Variants in HIPK2 observed in about 807,000 individuals in gnomAD.
The protein encoded by HIPK2 is homeodomain-interacting protein kinase 2.
HIPK2 carries 27 observed loss-of-function variants against 113.7 expected under a neutral mutation model. That is an observed-to-expected ratio of 0.24 (90% CI 0.17 to 0.33). The LOEUF (loss-of-function observed/expected upper bound fraction) is 0.33, where lower values mean the gene tolerates loss of function less well. Ranked by LOEUF, HIPK2 falls within the 10% of genes least tolerant of loss-of-function variation. HIPK2 has a pLI of 1.00. For synonymous variants in HIPK2, 631 were observed against 642.2 expected (o/e 0.98, Z 0.26); for missense variants, 1,257 against 1,588.0 (o/e 0.79, Z 3.54).
intron 10 of HIPK2, 83 bp downstream of exon 10, chr7:139,603,998 C>T: frequency 6.3e-7 from 1 of 1,575,114 alleles, no homozygotes; most frequent in Non-Finnish European, 8.7e-7. Flanking sequence ...GAAGTACAGG[C>T]CAGCCTGGCA....
At chr7:139,764,401 T>C (rs1585465146) in intron 1 of HIPK2, among the ~76,000 whole-genome samples, 1 of 152,174 alleles carries the variant, frequency 6.6e-6, no homozygotes, top group Non-Finnish European at 1.5e-5. Context: ...TGGCTACACC[T>C]GGGAGGCAAA....
chr7:139,561,778 C>CAGTT lies in HIPK2; in HGVS notation c.*11145_*11148dup, dbSNP rs1033304280. 3 of 149,080 alleles carry CAGTT rather than the reference C, an allele frequency of 2.0e-5. No individual in the cohort carries two copies. Among genetic ancestry groups the CAGTT allele is most frequent in the Non-Finnish European group, 3.0e-5 (2 of 67,426 alleles). 9.2% of individuals were successfully genotyped at this position (149,080 alleles called of 1,614,324 possible). On this transcript the variant is annotated 3_prime_UTR_variant, in exon 15 of 15. Coordinates refer to ENST00000406875, the MANE Select transcript of HIPK2 (RefSeq NM_022740.5). ...ACCCCCCCCCCTTTTTCTCACCCTA[C>CAGTT]AGTTAGTAATATTACAATTAAAATA...
In HIPK2 at chr7:139,769,376, T is replaced by C. The variant is rs1796612251; in HGVS notation, c.19+8229A>G. Among the ~76,000 whole-genome samples, 7 of 144,042 alleles carry C rather than the reference T, an allele frequency of 4.9e-5. No homozygotes were observed. In the South Asian group the frequency reaches 1.5e-3, roughly 31 times the overall value. 94.5% of individuals were successfully genotyped at this position (144,042 alleles called of 152,430 possible). A position where few individuals can be genotyped will look rare whatever the true frequency, so the allele number is the denominator to read the frequency against. ...ACCCCTGGCTGTCTGGTTCCTTCTA[T>C]TATACCCAGGCCAGTAAAAATTACC... On this transcript the variant is annotated intron_variant, in intron 1 of 14. Coordinates refer to ENST00000406875, the MANE Select transcript of HIPK2 (RefSeq NM_022740.5).
intron 12 of HIPK2, among the ~76,000 whole-genome samples, chr7:139,595,440 C>T (rs1799171037): frequency 6.6e-6 from 1 of 152,172 alleles, no homozygotes; most frequent in African/African-American, 2.4e-5. Context: ...CTGGACTAGG[C>T]AGATGGGGAG....
intron 10 of HIPK2, among the ~76,000 whole-genome samples, chr7:139,602,563 G>A (rs1419421813): frequency 6.6e-6 from 1 of 151,134 alleles, no homozygotes; most frequent in African/African-American, 2.4e-5. Context: ...AATGCTGAAA[G>A]ACAAAAGGGA....
At position 139,595,518 on chromosome 7, in the gene HIPK2, G is replaced by T. The variant is rs574215776; in HGVS notation, c.2717+1199C>A. Among the ~76,000 whole-genome samples, 3 of 152,284 alleles carry T rather than the reference G, an allele frequency of 2.0e-5. No homozygotes were observed. The East Asian group carries it at 5.8e-4, about 29-fold the overall frequency. ...TGGACCTTTGACCTGGGTCCCCTCT[G>T]ACACCTGGCACAATGCTACGGCCAC... is the stretch of plus-strand genomic sequence containing the variant. On this transcript the variant is annotated intron_variant, in intron 12 of 14. Coordinates refer to ENST00000406875, the MANE Select transcript of HIPK2 (RefSeq NM_022740.5).
rs188752635 is a variant in HIPK2 at position 139,716,902 on chromosome 7, C to T, written c.133G>A (p.Gly45Ser). 52 of 1,613,826 alleles carry T rather than the reference C, an allele frequency of 3.2e-5. No homozygotes were observed. The highest frequency in any genetic ancestry group is 1.3e-4 in the Admixed American group (8 of 60,000). Residue 45 changes from glycine to serine, a missense_variant, in exon 2 of 15, where the codon GGC (glycine) becomes AGC (serine). This residue lies in a region of HIPK2 where 209 missense variants were observed against 237.8 expected (regional missense o/e 0.88). Coordinates refer to ENST00000406875, the MANE Select transcript of HIPK2 (RefSeq NM_022740.5). This position sits in a 1 kb window ranked among gnomAD's most constrained non-coding sequence, Gnocchi z 9.3. ...PSSNWDMTGY[G>S]SHSKVYSQSK... is the part of the protein sequence containing the mutation. ...TGGCTATACACTTTGCTGTGGGAGCCGTACCCAGTCATGTCCCAGTTGGAA... is the reference window on the plus strand; with the variant it reads ...TGGCTATACACTTTGCTGTGGGAGCTGTACCCAGTCATGTCCCAGTTGGAA...
intron 8 of HIPK2, 59 bp downstream of exon 8, chr7:139,614,227 G>A (rs867054883): frequency 3.6e-5 from 48 of 1,315,238 alleles, no homozygotes; most frequent in Non-Finnish European, 3.9e-5. Flanking sequence ...TGCAGGTGCC[G>A]GAGCCCCAGA....
At position 139,595,371 on chromosome 7, in the gene HIPK2, G is replaced by A. The variant is rs557461790; in HGVS notation, c.2717+1346C>T. Among the ~76,000 whole-genome samples the A allele has an allele frequency of 5.9e-5, 9 of 152,204 alleles. No individual in the cohort carries two copies. In the South Asian group the frequency reaches 1.0e-3, roughly 18 times the overall value. On this transcript the variant is annotated intron_variant, in intron 12 of 14. Transcript: ENST00000406875. ...CTGGGTGGTGGTGTGGGGGCACTGC[G>A]GAGAATGGACCATTCACTCAACTTG...
chr7:139,630,476 C>T lies in HIPK2; in HGVS notation c.1347+689G>A, dbSNP rs189399943. On this transcript the variant is annotated intron_variant, in intron 4 of 14. Coordinates refer to ENST00000406875, the MANE Select transcript of HIPK2 (RefSeq NM_022740.5). The surrounding 1 kb of genome is among the most constrained non-coding windows in gnomAD (Gnocchi z 4.0). ...GCAGTGGCACAATCTCAGCTCACTGCAACCTCCGCCTCCCAGGTGCAAGTG... is the reference window on the plus strand; with the variant it reads ...GCAGTGGCACAATCTCAGCTCACTGTAACCTCCGCCTCCCAGGTGCAAGTG... 6.6e-6 allele frequency among the ~76,000 whole-genome samples: 1 copy of T among 152,352 alleles called. No homozygotes were observed. Among genetic ancestry groups the T allele is most frequent in the East Asian group, 1.9e-4 (1 of 5,184 alleles).
intron 2 of HIPK2, among the ~76,000 whole-genome samples, chr7:139,646,327 C>A (rs1328033514): frequency 6.6e-6 from 1 of 151,798 alleles, no homozygotes; most frequent in Non-Finnish European, 1.5e-5. Flanking sequence ...AAGACTCCGT[C>A]CCTACAAAAA....
chr7:139,743,688 ACTGGGGCTC>A (rs11277993), intron 1 of HIPK2, among the ~76,000 whole-genome samples: 17,341 of 152,154 alleles, frequency 0.11, 1,167 homozygotes, highest in Non-Finnish European at 0.16. Flanking sequence ...CAAGTTCCAG[ACTGGGGCTC>A]CAGGATCAAA....
chr7:139,618,721 G>C (rs575543217), intron 7 of HIPK2, among the ~76,000 whole-genome samples: 1 of 152,316 alleles, frequency 6.6e-6, no homozygotes, highest in South Asian at 2.1e-4. Flanking sequence ...ACATCCATGG[G>C]AAGGACAGCC....
At chr7:139,614,220 A>C (rs1799938895) in intron 8 of HIPK2, 66 bp downstream of exon 8, 1 of 1,277,202 alleles carries the variant, frequency 7.8e-7, no homozygotes, top group African/African-American at 1.5e-5. Context: ...AGAAAACTGC[A>C]GGTGCCGGAG....
rs762140683 is a variant in HIPK2 at position 139,575,189 on chromosome 7, G to T, written c.3065C>A (p.Thr1022Asn). ...HSSGSSSGAI[T>N]YRQQRPGPHF... Reference sequence around the variant, plus strand: ...GGGGCCCGGCCGCTGCTGCCGGTAGGTGATGGCTCCAGATGAGCTCCCTGA... The same window carrying T: ...GGGGCCCGGCCGCTGCTGCCGGTAGTTGATGGCTCCAGATGAGCTCCCTGA... The change falls in exon 14 of 15, where the codon ACC becomes AAC. Residue 1022 changes from threonine to asparagine, a missense_variant. Thr to Asn is a moderately conservative substitution (Grantham distance 65, BLOSUM62 0). Transcript: ENST00000406875. The T allele has an allele frequency of 7.5e-5, 119 of 1,590,810 alleles. No homozygotes were observed. The highest frequency in any genetic ancestry group is 1.0e-4 in the Non-Finnish European group (117 of 1,169,086).
chr7:139,669,144 C>A (rs926690607), intron 2 of HIPK2, among the ~76,000 whole-genome samples: 4 of 152,200 alleles, frequency 2.6e-5, no homozygotes, highest in African/African-American at 9.7e-5. Flanking sequence ...GAGGACTTAT[C>A]ATTCTGGATA....
intron 2 of HIPK2, among the ~76,000 whole-genome samples, chr7:139,711,154 G>A (rs761620591): frequency 8.6e-5 from 13 of 151,986 alleles, no homozygotes; most frequent in Non-Finnish European, 2.9e-5. Flanking sequence ...AAGGCTGGGC[G>A]TGGTGGCTCA....
intron 5 of HIPK2, 55 bp downstream of exon 5, chr7:139,628,898 C>A: frequency 1.4e-6 from 2 of 1,450,260 alleles, no homozygotes; most frequent in South Asian, 2.5e-5. Flanking sequence ...TTGCAGAAGT[C>A]TTGCTGCCCT....
chr7:139,617,086 C>A (rs1800077858), intron 7 of HIPK2, among the ~76,000 whole-genome samples: 1 of 152,150 alleles, frequency 6.6e-6, no homozygotes, highest in Non-Finnish European at 1.5e-5. Context: ...TTGAAGAAGC[C>A]CATGTGAGGG....
Sources: allele counts gnomAD v4.1 joint callset (sites outside exome capture counted in the v4.1 genomes callset), GRCh38; gene constraint gnomAD v4.1.1; regional missense constraint gnomAD v4.1.1; non-coding constraint Gnocchi (gnomAD v3.1); transcripts MANE v1.5; gene names NCBI Gene and HGNC (gene_info 2026-07-23, HGNC 2026-07-21).